COL16A1: variants seen among roughly 807,000 people sequenced by gnomAD.
The protein encoded by COL16A1 is collagen type XVI alpha 1 chain.
In COL16A1, 189 loss-of-function variants were observed where a neutral mutation model predicts 266.3. The ratio of observed to expected loss-of-function variants is 0.71; its 90% CI spans 0.63 to 0.80. The LOEUF (loss-of-function observed/expected upper bound fraction) is 0.80, where lower values mean the gene tolerates loss of function less well. Ranked by LOEUF, COL16A1 falls within the 30% of genes least tolerant of loss-of-function variation. The probability of loss-of-function intolerance (pLI) is 0.00; values close to 1 mark genes in which losing one functional copy is unlikely to be tolerated. For synonymous variants in COL16A1, 740 were observed against 782.3 expected, an observed-to-expected ratio of 0.95 and a Z score of 0.90; for missense variants, 1,928 against 2,122.4, an observed-to-expected ratio of 0.91 and a Z score of 1.80.
intron 11 of COL16A1, among the ~76,000 whole-genome samples, chr1:31,694,927 G>A (rs190742751): frequency 7.9e-5 from 12 of 152,322 alleles, no homozygotes; most frequent in East Asian, 1.9e-4. Flanking sequence ...TGGTCCTGCC[G>A]GCCACCATCC....
At chr1:31,691,248 C>T (rs774775081) in intron 19 of COL16A1, 22 bp from the exon 20 acceptor site, 18 of 1,613,038 alleles carry the variant, frequency 1.1e-5, no homozygotes, top group Non-Finnish European at 1.4e-5. Context: ...AACAGAGTCA[C>T]GTGGAAGTTT....
At position 31,670,366 on chromosome 1, in the gene COL16A1, G is replaced by A; in HGVS notation, c.3195+236C>T. 4.5e-6 allele frequency: 2 copies of A among 448,552 alleles called. No individual in the cohort carries two copies. Among genetic ancestry groups the A allele is most frequent in the Non-Finnish European group, 7.8e-6 (2 of 255,956 alleles). The allele number at this position is 448,552 out of a possible 1,614,324, so 27.8% of individuals were successfully genotyped here. ...AGACAGAACGGGGTAAGAGAGAGAA[G>A]AGGAGAGAAAGAACGCAGGAGAGGA... On this transcript the variant is annotated intron_variant, in intron 49 of 70. Coordinates refer to ENST00000373672, the MANE Select transcript of COL16A1 (RefSeq NM_001856.4). This position sits in a 1 kb window ranked among gnomAD's most constrained non-coding sequence, Gnocchi z 4.5.
At chr1:31,673,052 A>G (rs1642872377) in intron 44 of COL16A1, 1 of 641,136 alleles carries the variant, frequency 1.6e-6, no homozygotes, top group African/African-American at 1.8e-5. Flanking sequence ...AGTTTCCTCC[A>G]GGAAGAAGCT....
At position 31,691,501 on chromosome 1, in the gene COL16A1, G is replaced by A. The variant is rs746510767; in HGVS notation, c.1314C>T (p.Gly438=). ...CTGCCAGCCCCTCAGGCCCAACAAA[G>A]CCAGGGTCTCCCTGGCACAGACATA... ...IGPKGQKGDP[G]FVGPEGLAGE... Residue 438 remains glycine, a synonymous_variant, in exon 19 of 71, where the codon GGC becomes GGT. Coordinates refer to ENST00000373672, the MANE Select transcript of COL16A1 (RefSeq NM_001856.4). 3.7e-6 allele frequency: 6 copies of A among 1,613,772 alleles called. No homozygotes were observed. In the East Asian group the frequency reaches 1.3e-4, roughly 36 times the overall value.
chr1:31,690,497 C>T (rs369869748), intron 21 of COL16A1, 32 bp downstream of exon 21: 11 of 1,614,060 alleles, frequency 6.8e-6, no homozygotes, highest in East Asian at 6.7e-5. Flanking sequence ...TTGGAAGAGC[C>T]GACCCTCCCC....
Position 31,698,549 on chromosome 1 carries a change from C to T in COL16A1, c.324G>A (p.Leu108=). Residue 108 remains leucine, a synonymous_variant, in exon 5 of 71, where the codon CTG becomes CTA. Transcript: ENST00000373672. This position sits in a 1 kb window ranked among gnomAD's most constrained non-coding sequence, Gnocchi z 4.1. ...EEFALVLTLL[L]KKHTHQKTWY... is the part of the protein sequence containing the mutation. Reference sequence around the variant, plus strand: ...ACGTCTTCTGGTGGGTGTGTTTCTTCAGCAGTAGTGTCAGCACCAGGGCAA... The same window carrying T: ...ACGTCTTCTGGTGGGTGTGTTTCTTTAGCAGTAGTGTCAGCACCAGGGCAA... 6.2e-7 allele frequency: 1 copy of T among 1,614,082 alleles called. No individual in the cohort carries two copies. Among genetic ancestry groups the T allele is most frequent in the Admixed American group, 1.7e-5 (1 of 60,014 alleles).
intron 39 of COL16A1, among the ~76,000 whole-genome samples, chr1:31,680,503 G>A (rs141052705): frequency 8.7e-4 from 133 of 152,206 alleles, no homozygotes; most frequent in African/African-American, 3.2e-3. Context: ...CCCTTCGCTC[G>A]GGAGCCCCTC....
At chr1:31,671,316 C>T (rs1359779970) in intron 48 of COL16A1, among the ~76,000 whole-genome samples, 6 of 152,186 alleles carry the variant, frequency 3.9e-5, no homozygotes, top group Non-Finnish European at 7.4e-5. Flanking sequence ...CTGCCGAGGG[C>T]GGCCTGGGGC....
intron 34 of COL16A1, 60 bp downstream of exon 34, chr1:31,683,647 G>A (rs568013598): frequency 1.2e-6 from 2 of 1,611,486 alleles, no homozygotes; most frequent in African/African-American, 2.7e-5. Context: ...GTGGATGGAA[G>A]TAGGTAGCTG....
At position 31,702,187 on chromosome 1, in the gene COL16A1, C is replaced by T; in HGVS notation, c.7G>A (p.Val3Ile). The change falls in exon 2 of 71, where the codon GTA (valine) becomes ATA (isoleucine). Residue 3 changes from valine to isoleucine, a missense_variant. By Grantham distance (29) the Val-to-Ile change is conservative. Coordinates refer to ENST00000373672, the MANE Select transcript of COL16A1 (RefSeq NM_001856.4). MW[V>I]SWAPGLWLLG... ...AGCCACAGGCCAGGAGCCCAGGATA[C>T]CCACATCCCGGTCCAAAGAGGTCAG... 1.2e-6 allele frequency: 2 copies of T among 1,614,100 alleles called. No homozygotes were observed. Among genetic ancestry groups the T allele is most frequent in the African/African-American group, 1.3e-5 (1 of 75,022 alleles).
chr1:31,662,272 C>T (rs1464670838), intron 58 of COL16A1, 62 bp downstream of exon 58: 4 of 1,579,512 alleles, frequency 2.5e-6, no homozygotes, highest in African/African-American at 2.7e-5. Flanking sequence ...GTTCCCTTGA[C>T]TTTGGCTCCT....
chr1:31,653,401 A>G, intron 70 of COL16A1, 198 bp downstream of exon 70: 1 of 595,532 alleles, frequency 1.7e-6, no homozygotes, highest in East Asian at 3.0e-5. Context: ...TTAGGACTTA[A>G]GGACAGGTAC....
intron 12 of COL16A1, 188 bp from the exon 13 acceptor site, chr1:31,693,342 T>C: frequency 1.7e-6 from 1 of 601,090 alleles, no homozygotes; most frequent in South Asian, 1.9e-5. Context: ...TCCACACCTG[T>C]TCATCCACAT....
intron 40 of COL16A1, 37 bp downstream of exon 40, chr1:31,680,005 C>T: frequency 3.1e-6 from 5 of 1,611,400 alleles, no homozygotes; most frequent in South Asian, 2.2e-5. Flanking sequence ...CTGGTCCTCT[C>T]CCCCAGTTGG....
At position 31,675,008 on chromosome 1, in the gene COL16A1, T is replaced by C; in HGVS notation, c.2858A>G (p.Lys953Arg). Residue 953 changes from lysine (K) to arginine (R), a missense_variant and splice_region_variant, in exon 44 of 71, where the codon AAG (lysine) becomes AGG (arginine). Physicochemically the swap from Lys to Arg is conservative, Grantham distance 26 (BLOSUM62 2). This residue lies in a region of COL16A1 where 1,552 missense variants were observed against 1,637.2 expected (regional missense o/e 0.95). Transcript: ENST00000373672. ...CTTCCCTCCTGGGTACCCTCTTACC[T>C]TAAGGAGGTGCTGTTCAATTGGTAA... is the stretch of plus-strand genomic sequence containing the variant. ...GSLPIEQHLL[K>R]SICGDCVQGQ... 2.5e-6 allele frequency: 4 copies of C among 1,612,492 alleles called. No homozygotes were observed. The highest frequency in any genetic ancestry group is 3.4e-6 in the Non-Finnish European group (4 of 1,179,250).
Position 31,698,524 on chromosome 1 carries a change from A to G in COL16A1, c.349T>C (p.Trp117Arg), listed in dbSNP as rs752039513. Reference sequence around the variant, plus strand: ...GCATCGGTCACTTGAAACAGATACCACGTCTTCTGGTGGGTGTGTTTCTTC... The same window carrying G: ...GCATCGGTCACTTGAAACAGATACCGCGTCTTCTGGTGGGTGTGTTTCTTC... ...LLKKHTHQKT[W>R]YLFQVTDANG... Residue 117 changes from tryptophan to arginine, a missense_variant, in exon 5 of 71, where the codon TGG becomes CGG. Around this residue, in one of 2 missense-constraint regions of COL16A1, gnomAD observed 1,552 missense variants for 1,637.2 expected, o/e 0.95. Coordinates refer to ENST00000373672, the MANE Select transcript of COL16A1 (RefSeq NM_001856.4). The surrounding 1 kb of genome is among the most constrained non-coding windows in gnomAD (Gnocchi z 4.1). 6.2e-7 allele frequency: 1 copy of G among 1,614,038 alleles called. No individual in the cohort carries two copies. The highest frequency in any genetic ancestry group is 1.1e-5 in the South Asian group (1 of 91,072).
chr1:31,672,921 C>A, intron 44 of COL16A1, 81 bp from the exon 45 acceptor site: 1 of 1,343,278 alleles, frequency 7.4e-7, no homozygotes, highest in South Asian at 1.2e-5. Context: ...CAGTGAGAAC[C>A]CAGAGCCAGG....
At position 31,692,484 on chromosome 1, in the gene COL16A1, G is replaced by A. The variant is rs1644316065; in HGVS notation, c.1184C>T (p.Thr395Ile). 6.2e-7 allele frequency: 1 copy of A among 1,613,538 alleles called. No homozygotes were observed. The highest frequency in any genetic ancestry group is 1.1e-5 in the South Asian group (1 of 91,064). The change falls in exon 16 of 71, where the codon ACA (threonine) becomes ATA (isoleucine). Residue 395 changes from threonine to isoleucine, a missense_variant. Thr to Ile is a moderately conservative substitution (Grantham distance 89, BLOSUM62 -1). Coordinates refer to ENST00000373672, the MANE Select transcript of COL16A1 (RefSeq NM_001856.4). The stretch of plus-strand genomic sequence containing the variant: ...ATCCAGGCTTGTTACCTTCTCGCCT[G>A]TTGAGCCTGGGAGTCCTGAGGGTCC... ...ALGPSGLPGS[T>I]GEKGQKGEKG... is the part of the protein sequence containing the mutation.
At position 31,656,172 on chromosome 1, in the gene COL16A1, C is replaced by G. The variant is rs551997143; in HGVS notation, c.4101+228G>C. The G allele has an allele frequency of 1.0e-4, 67 of 655,676 alleles. No individual in the cohort carries two copies. In the Admixed American group the frequency reaches 1.4e-3, roughly 13 times the overall value. The allele number at this position is 655,676 out of a possible 1,614,324, so 40.6% of individuals were successfully genotyped here. A position where few individuals can be genotyped will look rare whatever the true frequency, so the allele number is the denominator to read the frequency against. On this transcript the variant is annotated intron_variant, in intron 66 of 70. Transcript: ENST00000373672. This position sits in a 1 kb window ranked among gnomAD's most constrained non-coding sequence, Gnocchi z 4.2. The stretch of plus-strand genomic sequence containing the variant: ...CGGGAAATGGAAACAATGAATGAAT[C>G]AATCAGTCAATCAGTGAGTAAATGA...
Sources: gnomAD v4.1 joint callset for allele counts (sites outside exome capture counted in the v4.1 genomes callset) on GRCh38, gnomAD v4.1.1 for gene constraint, gnomAD v4.1.1 regional missense constraint, Gnocchi (gnomAD v3.1) non-coding constraint, MANE v1.5 for transcripts, NCBI Gene and HGNC (gene_info 2026-07-23, HGNC 2026-07-21) for gene names.